LUC7L2: variants seen among roughly 807,000 people sequenced by gnomAD.
LUC7L2 encodes the protein putative RNA-binding protein Luc7-like 2.
Under a neutral mutation model 52.8 loss-of-function variants are expected in LUC7L2, and 25 were observed. That is an observed-to-expected ratio of 0.47 (90% confidence interval 0.34 to 0.66). LUC7L2 has a LOEUF of 0.66. LUC7L2 is among the 30% of genes least tolerant of loss of function. The pLI is 0.01. For missense variants in LUC7L2, 328 were observed against 497.8 expected (o/e 0.66, Z 3.25); for synonymous variants, 144 against 160.9 (o/e 0.89, Z 0.80).
At chr7:139,376,253 G>A in intron 2 of LUC7L2, 97 bp downstream of exon 2, 1 of 1,258,780 alleles carries the variant, frequency 7.9e-7, no homozygotes, top group Non-Finnish European at 1.1e-6. Context: ...ATTGACTTGT[G>A]AGGGGAGATT....
Position 139,414,908 on chromosome 7 carries a change from A to G in LUC7L2, c.809+2328A>G, listed in dbSNP as rs377253346. On this transcript the variant is annotated intron_variant, in intron 8 of 9. Transcript: ENST00000354926. ...TAACATCTTTTAATTTTTTTTTGAG[A>G]CGGAGTCTTGCTCTGTTGCCCAGGC... 3.3e-5 allele frequency among the ~76,000 whole-genome samples: 5 copies of G among 151,794 alleles called. No homozygotes were observed. The East Asian group carries it at 9.7e-4, about 29-fold the overall frequency.
intron 1 of LUC7L2, among the ~76,000 whole-genome samples, chr7:139,348,324 C>T (rs1200009209): frequency 6.6e-6 from 1 of 151,666 alleles, no homozygotes; most frequent in Non-Finnish European, 1.5e-5. Flanking sequence ...AGGCATGAGC[C>T]ACCATGTCTG....
chr7:139,378,877 T>G (rs1265448550), intron 2 of LUC7L2, among the ~76,000 whole-genome samples: 2 of 152,216 alleles, frequency 1.3e-5, no homozygotes, highest in Non-Finnish European at 1.5e-5. Context: ...TTCTGAAAGG[T>G]TCACAACTCA....
At chr7:139,387,399 T>C (rs1794250346) in intron 2 of LUC7L2, among the ~76,000 whole-genome samples, 1 of 152,140 alleles carries the variant, frequency 6.6e-6, no homozygotes, top group Non-Finnish European at 1.5e-5. Flanking sequence ...TTTACCATGT[T>C]GGCCAGGCTG....
intron 1 of LUC7L2, chr7:139,374,816 G>A: frequency 9.2e-7 from 1 of 1,090,226 alleles, no homozygotes; most frequent in Non-Finnish European, 1.1e-6. Context: ...TTGAATTTAA[G>A]TTAAGCTCTT....
chr7:139,407,921 A>T (rs1207394866), intron 6 of LUC7L2, among the ~76,000 whole-genome samples: 2 of 152,240 alleles, frequency 1.3e-5, no homozygotes, highest in South Asian at 4.1e-4. Flanking sequence ...GGGGATAAAC[A>T]CAAAAAAGCA....
At chr7:139,381,878 ATTTTTT>A (rs57302073) in intron 2 of LUC7L2, among the ~76,000 whole-genome samples, 25 of 105,170 alleles carry the variant, frequency 2.4e-4, no homozygotes, top group South Asian at 1.5e-3. Context: ...GCCTGGCCTA[ATTTTTT>A]TTTTTTTTTT....
chr7:139,353,917 C>G (rs1304166498), intron 1 of LUC7L2, among the ~76,000 whole-genome samples: 1 of 152,094 alleles, frequency 6.6e-6, no homozygotes, highest in Admixed American at 6.6e-5. Flanking sequence ...GAGTTCAAAA[C>G]CAGCCTGGGC....
At chr7:139,373,800 A>T (rs947477297) in intron 1 of LUC7L2, among the ~76,000 whole-genome samples, 2 of 152,238 alleles carry the variant, frequency 1.3e-5, no homozygotes, top group African/African-American at 4.8e-5. Flanking sequence ...TTTTATTCTA[A>T]GGCCTGAGCC....
At chr7:139,392,499 T>A (rs1794485653) in intron 2 of LUC7L2, 1 of 355,356 alleles carries the variant, frequency 2.8e-6, no homozygotes, top group Admixed American at 3.6e-5. Flanking sequence ...TGGTCCACAT[T>A]TCATGCAGTA....
intron 3 of LUC7L2, 78 bp from the exon 4 acceptor site, chr7:139,402,059 A>C: frequency 4.2e-6 from 6 of 1,422,106 alleles, no homozygotes; most frequent in Non-Finnish European, 5.6e-6. Flanking sequence ...TTAAAAAGCA[A>C]AGTGTGATTT....
At chr7:139,419,552 A>G (rs1278511749) in intron 9 of LUC7L2, among the ~76,000 whole-genome samples, 11 of 152,190 alleles carry the variant, frequency 7.2e-5, no homozygotes. Context: ...TTATCCTGCT[A>G]GGTGATGGAA....
intron 2 of LUC7L2, among the ~76,000 whole-genome samples, chr7:139,397,018 A>T (rs570016674): frequency 1.3e-5 from 2 of 152,292 alleles, no homozygotes; most frequent in Non-Finnish European, 2.9e-5. Flanking sequence ...ATTAATTATC[A>T]TACGTTTGTT....
intron 1 of LUC7L2, among the ~76,000 whole-genome samples, chr7:139,373,311 C>T (rs566661834): frequency 6.6e-6 from 1 of 152,284 alleles, no homozygotes; most frequent in Admixed American, 6.5e-5. Flanking sequence ...CAAGGCAGAA[C>T]TTTAAAAATA....
intron 1 of LUC7L2, chr7:139,375,788 G>A: frequency 2.9e-6 from 1 of 342,422 alleles, no homozygotes; most frequent in Non-Finnish European, 4.8e-6. Context: ...GTCCATTCCT[G>A]CTCTAAAATC....
At chr7:139,409,301 TAAAAAAAAAAAC>T (rs1328970394) in intron 6 of LUC7L2, among the ~76,000 whole-genome samples, 3 of 127,754 alleles carry the variant, frequency 2.3e-5, no homozygotes, top group Admixed American at 8.0e-5. Flanking sequence ...TGTTTTCACT[TAAAAAAAAAAAC>T]AAAAAAAAAA....
At chr7:139,347,542 G>A (rs1799308761) in intron 1 of LUC7L2, among the ~76,000 whole-genome samples, 1 of 151,090 alleles carries the variant, frequency 6.6e-6, no homozygotes, top group African/African-American at 2.4e-5. Context: ...AGCCGAGATT[G>A]CACCATTGCA....
intron 2 of LUC7L2, among the ~76,000 whole-genome samples, chr7:139,377,371 A>C (rs1800768667): frequency 6.6e-6 from 1 of 151,354 alleles, no homozygotes; most frequent in Non-Finnish European, 1.5e-5. Context: ...TGCCCGGCTA[A>C]TTTTTGTGTG....
At chr7:139,352,051 CA>C (rs1266179086) in intron 1 of LUC7L2, among the ~76,000 whole-genome samples, 1 of 151,758 alleles carries the variant, frequency 6.6e-6, no homozygotes, top group African/African-American at 2.4e-5. Flanking sequence ...AAAAATTAGC[CA>C]GGTGTGGTGG....
Sources: allele counts gnomAD v4.1 joint callset (sites outside exome capture counted in the v4.1 genomes callset), GRCh38; gene constraint gnomAD v4.1.1; transcripts MANE v1.5; gene names NCBI Gene and HGNC (gene_info 2026-07-23, HGNC 2026-07-21).